The following CCNY variants were observed in gnomAD, a reference collection of about 807,000 sequenced individuals.
CCNY encodes cyclin-Y.
A neutral mutation model predicts 42.8 loss-of-function variants in CCNY; 19 were observed. That is an observed-to-expected ratio of 0.44 (90% CI 0.31 to 0.65). The LOEUF is 0.65. CCNY is among the 30% of genes least tolerant of loss of function. CCNY has a pLI of 0.07. For missense variants in CCNY, 370 were observed against 437.3 expected (o/e 0.85, Z 1.37); for synonymous variants, 165 against 162.7 (o/e 1.01, Z -0.11).
At chr10:35,327,298 C>T (rs1205502644) in intron 3 of CCNY, among the ~76,000 whole-genome samples, 2 of 152,110 alleles carry the variant, frequency 1.3e-5, no homozygotes, top group African/African-American at 4.8e-5. Context: ...AACAATATTT[C>T]GTGGCTTTCT....
chr10:35,432,854 C>G (rs2135282576), intron 1 of CCNY, among the ~76,000 whole-genome samples: 1 of 152,276 alleles, frequency 6.6e-6, no homozygotes, highest in African/African-American at 2.4e-5. Context: ...GCAAAGGTGC[C>G]CCAGGGCTCA....
At chr10:35,449,331 G>C (rs868624068) in intron 1 of CCNY, among the ~76,000 whole-genome samples, 2 of 151,770 alleles carry the variant, frequency 1.3e-5, no homozygotes, top group Non-Finnish European at 2.9e-5. Flanking sequence ...GTCAGCGAGG[G>C]AGACATTTTG....
At chr10:35,366,479 C>T (rs1196425424) in intron 1 of CCNY, among the ~76,000 whole-genome samples, 1 of 152,152 alleles carries the variant, frequency 6.6e-6, no homozygotes, top group Non-Finnish European at 1.5e-5. Context: ...CAGATTTCAA[C>T]TTTAAAGGAT....
At chr10:35,356,021 C>G (rs1790457245) in intron 1 of CCNY, among the ~76,000 whole-genome samples, 1 of 151,918 alleles carries the variant, frequency 6.6e-6, no homozygotes, top group Admixed American at 6.6e-5. Context: ...CAGTTGATTT[C>G]AATAGATGAC....
At chr10:35,301,726 C>A (rs1429557144) in intron 3 of CCNY, among the ~76,000 whole-genome samples, 1 of 152,136 alleles carries the variant, frequency 6.6e-6, no homozygotes, top group Admixed American at 6.6e-5. Flanking sequence ...TCTCCCTGGG[C>A]GCAAGTGATC....
intron 1 of CCNY, among the ~76,000 whole-genome samples, chr10:35,420,354 G>A (rs1838133669): frequency 6.6e-6 from 1 of 152,274 alleles, no homozygotes; most frequent in African/African-American, 2.4e-5. Flanking sequence ...TAAAAGCAGC[G>A]AGCCCTAGAA....
intron 1 of CCNY, among the ~76,000 whole-genome samples, chr10:35,418,969 C>G (rs547802440): frequency 1.3e-5 from 2 of 151,980 alleles, no homozygotes; most frequent in Admixed American, 6.6e-5. Context: ...TATAGGCACG[C>G]GCCACCACAC....
chr10:35,549,109 C>A (rs1463573561), intron 7 of CCNY, among the ~76,000 whole-genome samples: 1 of 146,174 alleles, frequency 6.8e-6, no homozygotes, highest in Non-Finnish European at 1.5e-5. Flanking sequence ...CCCCACCCCC[C>A]CCCGCCCCTC....
At chr10:35,293,278 A>C (rs183022456) in intron 3 of CCNY, among the ~76,000 whole-genome samples, 1 of 152,314 alleles carries the variant, frequency 6.6e-6, no homozygotes, top group Non-Finnish European at 1.5e-5. Flanking sequence ...GTCAAAAATC[A>C]AGTCATCATA....
At chr10:35,515,844 G>A (rs1226295853) in intron 3 of CCNY, among the ~76,000 whole-genome samples, 1 of 152,070 alleles carries the variant, frequency 6.6e-6, no homozygotes, top group Non-Finnish European at 1.5e-5. Flanking sequence ...CTGTTCTAAA[G>A]TTCTCCAAAG....
At chr10:35,445,467 G>A (rs1838771559) in intron 1 of CCNY, among the ~76,000 whole-genome samples, 1 of 152,198 alleles carries the variant, frequency 6.6e-6, no homozygotes, top group Non-Finnish European at 1.5e-5. Flanking sequence ...AAGCAGGAGT[G>A]GAGTCCGCAT....
At chr10:35,482,825 T>G (rs1416674779) in intron 1 of CCNY, among the ~76,000 whole-genome samples, 1 of 151,700 alleles carries the variant, frequency 6.6e-6, no homozygotes, top group Non-Finnish European at 1.5e-5. Context: ...TCTCTTGATT[T>G]TTATATGTTG....
At chr10:35,425,230 C>T (rs917184746) in intron 1 of CCNY, among the ~76,000 whole-genome samples, 1 of 152,220 alleles carries the variant, frequency 6.6e-6, no homozygotes, top group African/African-American at 2.4e-5. Context: ...GATAATAGTT[C>T]ATTTGACTTA....
At chr10:35,340,741 T>A (rs1465873271) in intron 1 of CCNY, among the ~76,000 whole-genome samples, 1 of 152,152 alleles carries the variant, frequency 6.6e-6, no homozygotes, top group Non-Finnish European at 1.5e-5. Flanking sequence ...TGACCTCAAG[T>A]GATCTGCCCG....
intron 7 of CCNY, among the ~76,000 whole-genome samples, chr10:35,532,680 C>G (rs566047574): frequency 2.4e-4 from 37 of 152,310 alleles, no homozygotes; most frequent in African/African-American, 8.2e-4. Context: ...GGTGTACCTG[C>G]AGCAGCTGGA....
intron 4 of CCNY, among the ~76,000 whole-genome samples, chr10:35,519,296 G>A (rs972745231): frequency 6.6e-6 from 1 of 152,060 alleles, no homozygotes; most frequent in Non-Finnish European, 1.5e-5. Context: ...GATCTTGATT[G>A]AATCTGGCTG....
intron 1 of CCNY, among the ~76,000 whole-genome samples, chr10:35,421,535 A>G (rs757074643): frequency 6.6e-6 from 1 of 152,164 alleles, no homozygotes; most frequent in Non-Finnish European, 1.5e-5. Flanking sequence ...TTTAAGACCA[A>G]GTAATTTTAT....
chr10:35,384,630 G>A (rs1362220072), intron 1 of CCNY, among the ~76,000 whole-genome samples: 3 of 152,108 alleles, frequency 2.0e-5, no homozygotes, highest in Non-Finnish European at 2.9e-5. Context: ...GTGGAGGGGC[G>A]GGGTGGGTAC....
chr10:35,342,577 G>C (rs1374919744), intron 1 of CCNY, among the ~76,000 whole-genome samples: 1 of 152,172 alleles, frequency 6.6e-6, no homozygotes, highest in Non-Finnish European at 1.5e-5. Flanking sequence ...TTTTACAGGT[G>C]GGAAGACTGA....
Sources: gnomAD v4.1 joint callset for allele counts (sites outside exome capture counted in the v4.1 genomes callset) on GRCh38, gnomAD v4.1.1 for gene constraint, MANE v1.5 for transcripts, NCBI Gene and HGNC (gene_info 2026-07-23, HGNC 2026-07-21) for gene names.